The following PCDH11X variants were observed in gnomAD, a reference collection of about 807,000 sequenced individuals.
PCDH11X encodes protocadherin 11 X-linked, also known as protocadherin-11 X-linked.
In PCDH11X, 18 loss-of-function variants were observed where a neutral mutation model predicts 53.3. The ratio of observed to expected loss-of-function variants is 0.34; its 90% CI spans 0.23 to 0.50. The LOEUF (loss-of-function observed/expected upper bound fraction) is 0.50. Among genes scored for constraint, PCDH11X ranks in the 20% least tolerant of loss-of-function variants. The probability of loss-of-function intolerance (pLI) is 0.98; values close to 1 mark genes in which losing one functional copy is unlikely to be tolerated. For synonymous variants in PCDH11X, 279 were observed against 393.3 expected (o/e 0.71, Z 3.44); for missense variants, 570 against 1,032.4 (o/e 0.55, Z 6.14).
At chrX:92,503,870 G>A (rs1009198356) in intron 10 of PCDH11X, among the ~76,000 whole-genome samples, 13 of 109,125 alleles carry the variant, frequency 1.2e-4, no homozygotes, top group Non-Finnish European at 2.3e-4. Context: ...TAAAATAAAA[G>A]TCGAATTAAA....
At chrX:91,960,485 C>T (rs796936426) in intron 6 of PCDH11X, among the ~76,000 whole-genome samples, 14 of 110,440 alleles carry the variant, frequency 1.3e-4, no homozygotes, top group South Asian at 7.7e-4. Flanking sequence ...AGTGCAGTGG[C>T]GCAATCTCAG....
At chrX:92,438,917 C>T (rs764778761) in intron 9 of PCDH11X, among the ~76,000 whole-genome samples, 78 of 111,422 alleles carry the variant, frequency 7.0e-4, no homozygotes, top group Non-Finnish European at 1.2e-3. Flanking sequence ...GTGCCTAAGA[C>T]ATGAGATTAA....
At chrX:91,924,705 T>G (rs1421704840) in intron 6 of PCDH11X, among the ~76,000 whole-genome samples, 3 of 111,731 alleles carry the variant, frequency 2.7e-5, no homozygotes, top group Non-Finnish European at 5.6e-5. Flanking sequence ...TGTGGGACTT[T>G]ACTTGGAATT....
chrX:92,575,942 T>C (rs1048755584), intron 10 of PCDH11X, among the ~76,000 whole-genome samples: 3,873 of 23,094 alleles, frequency 0.17, 350 homozygotes, highest in Admixed American at 0.24. Context: ...TATATATATA[T>C]ATACACACAC....
intron 8 of PCDH11X, among the ~76,000 whole-genome samples, chrX:92,385,226 G>A (rs78280635): frequency 1.0e-5 from 1 of 99,660 alleles, no homozygotes; most frequent in African/African-American, 3.7e-5. Flanking sequence ...ATAAATAATA[G>A]ATGACTGACA....
chrX:92,106,234 TAGAG>T (rs1179697698), intron 6 of PCDH11X, among the ~76,000 whole-genome samples: 2 of 101,509 alleles, frequency 2.0e-5, no homozygotes, highest in African/African-American at 4.0e-5. Flanking sequence ...GATGTTAACT[TAGAG>T]AGAATCATCA....
chrX:92,459,683 G>T (rs986413021), intron 9 of PCDH11X: 4 of 1,092,119 alleles, frequency 3.7e-6, no homozygotes, highest in African/African-American at 1.8e-5. Context: ...TTCACCACTC[G>T]GTCCACCTTC....
intron 4 of PCDH11X, among the ~76,000 whole-genome samples, chrX:91,828,285 A>G (rs1180169770): frequency 9.2e-6 from 1 of 109,231 alleles, no homozygotes; most frequent in Non-Finnish European, 1.9e-5. Flanking sequence ...ACGCCCGGCT[A>G]ATTTTTTGTA....
chrX:92,170,500 T>C (rs1020682496), intron 6 of PCDH11X, among the ~76,000 whole-genome samples: 22 of 110,521 alleles, frequency 2.0e-4, no homozygotes, highest in African/African-American at 6.2e-4. Context: ...GTTCCAGGTA[T>C]GGAGAAAAGA....
At chrX:92,267,404 T>G (rs185002808) in intron 8 of PCDH11X, among the ~76,000 whole-genome samples, 1 of 112,431 alleles carries the variant, frequency 8.9e-6, no homozygotes, top group East Asian at 2.8e-4. Flanking sequence ...TCTTTTAGAC[T>G]CACGTAATGG....
At chrX:92,163,107 G>A (rs1603086971) in intron 6 of PCDH11X, among the ~76,000 whole-genome samples, 2 of 105,299 alleles carry the variant, frequency 1.9e-5, no homozygotes, top group East Asian at 6.2e-4. Context: ...GTTTGTCAGG[G>A]AAGTAGGGGA....
intron 6 of PCDH11X, among the ~76,000 whole-genome samples, chrX:91,946,939 A>G (rs1056118191): frequency 1.9e-5 from 2 of 106,413 alleles, no homozygotes; most frequent in African/African-American, 3.4e-5. Flanking sequence ...ACATGCTTCA[A>G]TTCTTGGGGT....
intron 6 of PCDH11X, among the ~76,000 whole-genome samples, chrX:91,985,787 A>C (rs1253682491): frequency 1.8e-5 from 2 of 111,833 alleles, no homozygotes; most frequent in East Asian, 5.6e-4. Context: ...AACTAGCAGA[A>C]ATCCACATCT....
chrX:91,923,896 G>C (rs150482756), intron 6 of PCDH11X, among the ~76,000 whole-genome samples: 1 of 110,314 alleles, frequency 9.1e-6, no homozygotes, highest in Non-Finnish European at 1.9e-5. Flanking sequence ...TACTAGAGTG[G>C]GGGGGAGCTG....
At chrX:92,370,500 C>G (rs1228834634) in intron 8 of PCDH11X, among the ~76,000 whole-genome samples, 1 of 100,417 alleles carries the variant, frequency 1.0e-5, no homozygotes, top group African/African-American at 3.7e-5. Flanking sequence ...CGCCTTGTTG[C>G]CCAGGCTGGA....
chrX:92,288,904 G>T (rs1410833470), intron 8 of PCDH11X, among the ~76,000 whole-genome samples: 3 of 109,756 alleles, frequency 2.7e-5, no homozygotes, highest in Non-Finnish European at 5.7e-5. Flanking sequence ...ATGTAAAAGA[G>T]AAATTAATGA....
At chrX:92,160,664 ACTT>A (rs1271904282) in intron 6 of PCDH11X, among the ~76,000 whole-genome samples, 9 of 84,676 alleles carry the variant, frequency 1.1e-4, no homozygotes, top group Non-Finnish European at 2.3e-5. Flanking sequence ...TTTTATAATG[ACTT>A]CTTTTCTTCT....
intron 6 of PCDH11X, among the ~76,000 whole-genome samples, chrX:91,943,885 A>G (rs1211307555): frequency 1.9e-5 from 2 of 106,711 alleles, no homozygotes; most frequent in African/African-American, 6.8e-5. Flanking sequence ...CCACAGGCTT[A>G]CTTATAGCTT....
At chrX:92,017,840 A>C (rs2062821502) in intron 6 of PCDH11X, among the ~76,000 whole-genome samples, 1 of 105,336 alleles carries the variant, frequency 9.5e-6, no homozygotes, top group South Asian at 4.5e-4. Flanking sequence ...GATTTGCTTA[A>C]TGTAGGGTTG....
Sources: allele counts gnomAD v4.1 joint callset (sites outside exome capture counted in the v4.1 genomes callset), GRCh38; gene constraint gnomAD v4.1.1; transcripts MANE v1.5; gene names NCBI Gene and HGNC (gene_info 2026-07-23, HGNC 2026-07-21).